ESRRG: variants seen among roughly 807,000 people sequenced by gnomAD.
ESRRG encodes the protein estrogen related receptor gamma.
Under a neutral mutation model 44.0 loss-of-function variants are expected in ESRRG, and 13 were observed. That is an observed-to-expected ratio of 0.30 (90% CI 0.19 to 0.47). The LOEUF (loss-of-function observed/expected upper bound fraction) is 0.47. Among genes scored for constraint, ESRRG ranks in the 20% least tolerant of loss-of-function variants. The pLI, the probability that ESRRG is intolerant of heterozygous loss-of-function variation, is 1.00. For synonymous variants in ESRRG, 215 were observed against 214.6 expected (o/e 1.00, Z -0.02); for missense variants, 395 against 580.6 (o/e 0.68, Z 3.29).
chr1:216,712,614 T>C (rs1396808307), intron 1 of ESRRG, among the ~76,000 whole-genome samples: 1 of 152,224 alleles, frequency 6.6e-6, no homozygotes, highest in Non-Finnish European at 1.5e-5. Flanking sequence ...TGCCCACTTC[T>C]GAAGAAAGTG....
At chr1:216,676,795 A>T (rs1457013943) in intron 2 of ESRRG, among the ~76,000 whole-genome samples, 1 of 152,216 alleles carries the variant, frequency 6.6e-6, no homozygotes, top group Non-Finnish European at 1.5e-5. Flanking sequence ...ATAGACCCAC[A>T]TTGCTCTAAT....
chr1:217,037,008 C>T (rs1199866321), intron 1 of ESRRG, among the ~76,000 whole-genome samples: 3 of 152,106 alleles, frequency 2.0e-5, no homozygotes, highest in African/African-American at 7.2e-5. Context: ...GGAATCACTT[C>T]CAAGCTGCTT....
Position 216,509,083 on chromosome 1 carries a change from A to T in ESRRG, c.1133-1900T>A, listed in dbSNP as rs534799248. Among the ~76,000 whole-genome samples, 6 of 152,354 alleles carry T rather than the reference A, an allele frequency of 3.9e-5. No homozygotes were observed. The South Asian group carries it at 1.0e-3, about 26-fold the overall frequency. On this transcript the variant is annotated intron_variant, in intron 6 of 6. Coordinates refer to ENST00000408911, the MANE Select transcript of ESRRG (RefSeq NM_001438.4). Reference sequence around the variant, plus strand: ...TATTAAGCACCTATTTCAGGTGAACATGGCCTCATTTTACCTCCCCAAGCC... The same window carrying T: ...TATTAAGCACCTATTTCAGGTGAACTTGGCCTCATTTTACCTCCCCAAGCC...
At chr1:217,032,747 T>G (rs1474896046) in intron 1 of ESRRG, among the ~76,000 whole-genome samples, 1 of 152,226 alleles carries the variant, frequency 6.6e-6, no homozygotes, top group Non-Finnish European at 1.5e-5. Flanking sequence ...ACTTCAAGAA[T>G]GGAATTCTCC....
intron 2 of ESRRG, among the ~76,000 whole-genome samples, chr1:216,835,426 A>T (rs1192309232): frequency 6.6e-6 from 1 of 152,184 alleles, no homozygotes; most frequent in Admixed American, 6.5e-5. Flanking sequence ...AACACTCTAC[A>T]GTGTATGAGT....
At chr1:217,085,567 T>C (rs2092037674) in intron 1 of ESRRG, among the ~76,000 whole-genome samples, 1 of 138,674 alleles carries the variant, frequency 7.2e-6, no homozygotes, top group South Asian at 2.6e-4. Flanking sequence ...CTCGGCTGAC[T>C]GCTATCTCTA....
intron 5 of ESRRG, among the ~76,000 whole-genome samples, chr1:216,519,681 A>T (rs2045471314): frequency 6.6e-6 from 1 of 152,042 alleles, no homozygotes; most frequent in South Asian, 2.1e-4. Context: ...GCTTTCTTTC[A>T]TTCGAGAAGA....
intron 1 of ESRRG, among the ~76,000 whole-genome samples, chr1:216,976,369 T>C (rs552433341): frequency 6.6e-6 from 1 of 151,680 alleles, no homozygotes; most frequent in South Asian, 2.1e-4. Flanking sequence ...CCAACCTCCA[T>C]AGCTTAAAAT....
intron 2 of ESRRG, among the ~76,000 whole-genome samples, chr1:216,854,389 A>G (rs1365257201): frequency 1.3e-5 from 2 of 151,434 alleles, no homozygotes; most frequent in African/African-American, 2.4e-5. Flanking sequence ...GCAAAGAAAA[A>G]AAAGAAAAAA....
At chr1:216,860,926 T>C (rs987786195) in intron 2 of ESRRG, among the ~76,000 whole-genome samples, 16 of 152,030 alleles carry the variant, frequency 1.1e-4, no homozygotes, top group African/African-American at 3.4e-4. Flanking sequence ...TTATAATATA[T>C]GTAAGAGCAA....
intron 3 of ESRRG, among the ~76,000 whole-genome samples, chr1:216,584,943 A>T (rs2063489874): frequency 6.6e-6 from 1 of 152,250 alleles, no homozygotes; most frequent in Admixed American, 6.5e-5. Flanking sequence ...AACCTTTCAG[A>T]TGCCATAGGG....
intron 5 of ESRRG, among the ~76,000 whole-genome samples, chr1:216,530,943 C>T (rs2049192903): frequency 6.6e-6 from 1 of 151,964 alleles, no homozygotes; most frequent in South Asian, 2.1e-4. Context: ...AATGAAAATC[C>T]TTCAGGTGTG....
chr1:216,715,299 T>C (rs1219841923), intron 1 of ESRRG: 1 of 911,102 alleles, frequency 1.1e-6, no homozygotes, highest in Admixed American at 6.2e-5. Flanking sequence ...CAGCACCAAC[T>C]GTATACAGTC....
chr1:217,000,650 G>C (rs1231641416), intron 1 of ESRRG: 5 of 152,152 alleles, frequency 3.3e-5, no homozygotes, highest in Admixed American at 1.3e-4. Context: ...TTCTTTAGAT[G>C]TTTCATAAAT....
At chr1:216,708,923 G>C (rs1490781009) in intron 1 of ESRRG, among the ~76,000 whole-genome samples, 3 of 152,102 alleles carry the variant, frequency 2.0e-5, no homozygotes, top group Non-Finnish European at 4.4e-5. Context: ...CAGGAACGTG[G>C]ATGAAGCTGG....
intron 1 of ESRRG, among the ~76,000 whole-genome samples, chr1:216,967,112 A>G (rs1220120268): frequency 6.6e-6 from 1 of 152,104 alleles, no homozygotes; most frequent in African/African-American, 2.4e-5. Context: ...CAAAATTGAG[A>G]GGAAGGTACA....
In ESRRG at chr1:216,779,239, A is replaced by AT. The variant is rs1285934499; in HGVS notation, c.-13-101749dup. 1.9e-4 allele frequency among the ~76,000 whole-genome samples: 13 copies of AT among 67,742 alleles called. 3 individuals are homozygous for AT. The Admixed American group carries it at 2.8e-3, about 15-fold the overall frequency. The allele number at this position is 67,742 out of a possible 152,430, so 44.4% of individuals were successfully genotyped here. A position where few individuals can be genotyped will look rare whatever the true frequency, so the allele number is the denominator to read the frequency against. Reference sequence around the variant, plus strand: ...TATATTTATATTTATAAATATAAATATATATTTATATTTATAAATATAAAT... The same window carrying AT: ...TATATTTATATTTATAAATATAAATATTATATTTATATTTATAAATATAAAT... On this transcript the variant is annotated intron_variant, in intron 2 of 7. Transcript: ENST00000359162.
At chr1:216,868,216 T>A (rs2096204303) in intron 2 of ESRRG, among the ~76,000 whole-genome samples, 1 of 150,500 alleles carries the variant, frequency 6.6e-6, no homozygotes, top group Non-Finnish European at 1.5e-5. Context: ...GCCTCCCAAG[T>A]AGCTTGGATT....
At chr1:217,080,529 G>A (rs561090169) in intron 1 of ESRRG, among the ~76,000 whole-genome samples, 1 of 152,158 alleles carries the variant, frequency 6.6e-6, no homozygotes, top group South Asian at 2.1e-4. Flanking sequence ...GTACACTGTA[G>A]CCCTGATGAA....
Sources: allele counts gnomAD v4.1 joint callset (sites outside exome capture counted in the v4.1 genomes callset), GRCh38; gene constraint gnomAD v4.1.1; transcripts MANE v1.5; gene names NCBI Gene and HGNC (gene_info 2026-07-23, HGNC 2026-07-21).